Variants in CACHD1 observed in about 807,000 individuals in gnomAD.
CACHD1 encodes the protein cache domain containing 1.
Under a neutral mutation model 138.7 loss-of-function variants are expected in CACHD1, and 71 were observed. That is an observed-to-expected ratio of 0.51 (90% CI 0.42 to 0.62). The LOEUF is 0.62. CACHD1 is among the 20% of genes least tolerant of loss of function. The probability of loss-of-function intolerance (pLI) is 0.00; values close to 1 mark genes in which losing one functional copy is unlikely to be tolerated. For missense variants in CACHD1, 1,389 were observed against 1,625.3 expected (o/e 0.85, Z 2.50); for synonymous variants, 578 against 591.5 (o/e 0.98, Z 0.33).
At chr1:64,531,168 A>T (rs1646582200) in intron 1 of CACHD1, among the ~76,000 whole-genome samples, 3 of 152,186 alleles carry the variant, frequency 2.0e-5, no homozygotes, top group Admixed American at 2.0e-4. Flanking sequence ...AATGAAAAGC[A>T]TTCTTATTTC....
At chr1:64,521,524 A>C (rs1646498071) in intron 1 of CACHD1, among the ~76,000 whole-genome samples, 1 of 152,230 alleles carries the variant, frequency 6.6e-6, no homozygotes, top group Admixed American at 6.5e-5. Context: ...AGCTTTTTAC[A>C]GGCTGTGACA....
chr1:64,671,780 C>A, intron 17 of CACHD1, 94 bp downstream of exon 17: 1 of 1,466,942 alleles, frequency 6.8e-7, no homozygotes, highest in Non-Finnish European at 9.4e-7. Flanking sequence ...TAGTTATGGT[C>A]AGGAATAGAA....
chr1:64,544,755 G>A lies in CACHD1; in HGVS notation c.199-5839G>A, dbSNP rs368653509. 2.3e-4 allele frequency among the ~76,000 whole-genome samples: 35 copies of A among 152,176 alleles called. No individual in the cohort carries two copies. In the South Asian group the frequency reaches 7.0e-3, roughly 31 times the overall value. Reference sequence around the variant, plus strand: ...CTTTTGGGGAGGGAGCGGGGAGGCAGTGCTTAGGGAATAAAAGAAAGGAAT... The same window carrying A: ...CTTTTGGGGAGGGAGCGGGGAGGCAATGCTTAGGGAATAAAAGAAAGGAAT... On this transcript the variant is annotated intron_variant, in intron 1 of 26. Coordinates refer to ENST00000651257, the MANE Select transcript of CACHD1 (RefSeq NM_020925.4).
rs1649569406 is a variant in CACHD1 at position 64,664,630 on chromosome 1, T to C, written c.2227T>C (p.Tyr743His). Residue 743 changes from tyrosine to histidine, a missense_variant, in exon 15 of 27, where the codon TAT becomes CAT. Around this residue, in one of 5 missense-constraint regions of CACHD1, gnomAD observed 1,000 missense variants for 1,114.7 expected, o/e 0.90. Coordinates refer to ENST00000651257, the MANE Select transcript of CACHD1 (RefSeq NM_020925.4). ...AACACCCAATGGCGTCCTCAGAATT[T>C]ATCCTGGTTCCCTCATGGACAAAGC... ...IATPNGVLRI[Y>H]PGSLMDKAFD... 6.2e-7 allele frequency: 1 copy of C among 1,614,214 alleles called. No homozygotes were observed. Among genetic ancestry groups the C allele is most frequent in the African/African-American group, 1.3e-5 (1 of 75,056 alleles).
intron 2 of CACHD1, among the ~76,000 whole-genome samples, chr1:64,574,381 A>G (rs1032109261): frequency 2.0e-5 from 3 of 152,166 alleles, no homozygotes; most frequent in African/African-American, 7.2e-5. Flanking sequence ...CACAAGAGTA[A>G]GGTCATTATT....
intron 1 of CACHD1, among the ~76,000 whole-genome samples, chr1:64,486,064 G>C (rs1388000285): frequency 6.6e-6 from 1 of 152,094 alleles, no homozygotes; most frequent in Admixed American, 6.6e-5. Context: ...ATTGTAAAAT[G>C]TGTGAAATGG....
intron 1 of CACHD1, among the ~76,000 whole-genome samples, chr1:64,527,918 G>T (rs1468775639): frequency 1.3e-5 from 2 of 152,120 alleles, no homozygotes; most frequent in African/African-American, 4.8e-5. Context: ...TTGCTAACTG[G>T]CCCAGTGCTT....
chr1:64,507,743 A>G (rs924193899), intron 1 of CACHD1, among the ~76,000 whole-genome samples: 3 of 152,210 alleles, frequency 2.0e-5, no homozygotes, highest in African/African-American at 7.2e-5. Context: ...CTTCTTTTTG[A>G]TTTGTCAAAA....
intron 1 of CACHD1, among the ~76,000 whole-genome samples, chr1:64,471,372 G>C (rs555085260): frequency 2.0e-5 from 3 of 152,330 alleles, no homozygotes; most frequent in South Asian, 2.1e-4. Flanking sequence ...TGGCTCGGAC[G>C]ATTTTCCGAA....
In CACHD1 at chr1:64,641,972, A is replaced by T; in HGVS notation, c.1156+3A>T. ...TCTCACCTATGCCCTCATGAACGGT[A>T]GGTAGAGTTTCAAGATATTCCTTTC... On this transcript the variant is annotated splice_donor_region_variant and intron_variant, in intron 8 of 26. Transcript: ENST00000651257. The T allele has an allele frequency of 6.4e-7, 1 of 1,553,160 alleles. No homozygotes were observed. Among genetic ancestry groups the T allele is most frequent in the Non-Finnish European group, 8.6e-7 (1 of 1,157,460 alleles).
chr1:64,651,225 G>C (rs1427556930), intron 9 of CACHD1, among the ~76,000 whole-genome samples: 1 of 152,068 alleles, frequency 6.6e-6, no homozygotes, highest in Non-Finnish European at 1.5e-5. Context: ...AATATTTCCT[G>C]TCTGACCCCT....
At chr1:64,684,191 C>T (rs1650279127) in intron 26 of CACHD1, among the ~76,000 whole-genome samples, 1 of 152,148 alleles carries the variant, frequency 6.6e-6, no homozygotes, top group Non-Finnish European at 1.5e-5. Flanking sequence ...CGGAGTCTCG[C>T]TCTTGTCACC....
At chr1:64,557,891 T>C (rs1453590584) in intron 2 of CACHD1, among the ~76,000 whole-genome samples, 1 of 152,140 alleles carries the variant, frequency 6.6e-6, no homozygotes, top group South Asian at 2.1e-4. Flanking sequence ...CTCCGCTTCC[T>C]GGGTTCAAGC....
In CACHD1 at chr1:64,530,483, T is replaced by C. The variant is rs1418860215; in HGVS notation, c.199-20111T>C. Among the ~76,000 whole-genome samples, 3 of 152,184 alleles carry C rather than the reference T, an allele frequency of 2.0e-5. No homozygotes were observed. The East Asian group carries it at 5.8e-4, about 29-fold the overall frequency. On this transcript the variant is annotated intron_variant, in intron 1 of 26. Coordinates refer to ENST00000651257, the MANE Select transcript of CACHD1 (RefSeq NM_020925.4). Reference sequence around the variant, plus strand: ...ACAGATATAAAGGGAAACATACCTTTAGCCTTATTTACCTGGTCATGGTGA... The same window carrying C: ...ACAGATATAAAGGGAAACATACCTTCAGCCTTATTTACCTGGTCATGGTGA...
Position 64,471,830 on chromosome 1 carries a change from T to C in CACHD1, c.198+888T>C, listed in dbSNP as rs144184262. The stretch of plus-strand genomic sequence containing the variant: ...ACTGCCCGCAGCTAGTAAGGAATCC[T>C]GATGATGTTACTCACGACCAACAGT... On this transcript the variant is annotated intron_variant, in intron 1 of 26. Coordinates refer to ENST00000651257, the MANE Select transcript of CACHD1 (RefSeq NM_020925.4). Among the ~76,000 whole-genome samples the C allele has an allele frequency of 2.2e-3, 342 of 152,252 alleles. 1 individual carries two copies. Among genetic ancestry groups the C allele is most frequent in the Non-Finnish European group, 3.8e-3 (261 of 68,014 alleles).
intron 2 of CACHD1, among the ~76,000 whole-genome samples, chr1:64,560,616 T>C (rs534612148): frequency 4.2e-4 from 64 of 152,288 alleles, no homozygotes; most frequent in African/African-American, 1.5e-3. Flanking sequence ...TTTATGGCTC[T>C]ACATATGATC....
chr1:64,580,515 G>A (rs1239064484), intron 2 of CACHD1, among the ~76,000 whole-genome samples: 8 of 152,012 alleles, frequency 5.3e-5, no homozygotes, highest in Non-Finnish European at 1.0e-4. Context: ...TAAAACATCT[G>A]GTTAATAATT....
intron 26 of CACHD1, among the ~76,000 whole-genome samples, chr1:64,684,975 A>G (rs1005982516): frequency 2.6e-5 from 4 of 151,998 alleles, no homozygotes; most frequent in Non-Finnish European, 5.9e-5. Context: ...ATGCCCGGCT[A>G]ATTTTGTATT....
intron 5 of CACHD1, among the ~76,000 whole-genome samples, chr1:64,631,069 T>A (rs964459802): frequency 2.6e-5 from 4 of 152,228 alleles, no homozygotes; most frequent in African/African-American, 9.6e-5. Context: ...AAGTGGTAGA[T>A]ACCAGTCATT....
Sources: allele counts gnomAD v4.1 joint callset (sites outside exome capture counted in the v4.1 genomes callset), GRCh38; gene constraint gnomAD v4.1.1; regional missense constraint gnomAD v4.1.1; transcripts MANE v1.5; gene names NCBI Gene and HGNC (gene_info 2026-07-23, HGNC 2026-07-21).